SLC9C2: variants seen among roughly 807,000 people sequenced by gnomAD.
The protein encoded by SLC9C2 is solute carrier family 9 member C2 (putative), also known as sodium/hydrogen exchanger 11.
A neutral mutation model predicts 140.2 loss-of-function variants in SLC9C2; 75 were observed. That is an observed-to-expected ratio of 0.53 (90% CI 0.44 to 0.65). The LOEUF (loss-of-function observed/expected upper bound fraction) is 0.65, where lower values mean the gene tolerates loss of function less well. SLC9C2 is among the 30% of genes least tolerant of loss of function. The pLI, the probability that SLC9C2 is intolerant of heterozygous loss-of-function variation, is 0.00. For synonymous variants in SLC9C2, 375 were observed against 420.9 expected, an observed-to-expected ratio of 0.89 and a Z score of 1.34; for missense variants, 1,074 against 1,331.8, an observed-to-expected ratio of 0.81 and a Z score of 3.01.
chr1:173,521,499 G>T (rs1489793734), intron 21 of SLC9C2, 100 bp from the exon 22 acceptor site: 3 of 227,490 alleles, frequency 1.3e-5, no homozygotes, highest in South Asian at 1.8e-4. Context: ...ATATATATAT[G>T]ATTTTATTAT....
At chr1:173,570,407 T>C (rs1664767105) in intron 9 of SLC9C2, among the ~76,000 whole-genome samples, 1 of 152,082 alleles carries the variant, frequency 6.6e-6, no homozygotes, top group Non-Finnish European at 1.5e-5. Context: ...TCTGCTGTGG[T>C]TGAGCTGGTA....
intron 13 of SLC9C2, among the ~76,000 whole-genome samples, chr1:173,544,952 C>T (rs1028401840): frequency 1.6e-4 from 25 of 152,046 alleles, no homozygotes; most frequent in African/African-American, 5.8e-4. Context: ...CACATGTATA[C>T]GTATGTAACA....
At chr1:173,528,626 A>G (rs562285038) in intron 18 of SLC9C2, among the ~76,000 whole-genome samples, 18 of 152,336 alleles carry the variant, frequency 1.2e-4, no homozygotes, top group African/African-American at 3.6e-4. Flanking sequence ...CAATAAGTAA[A>G]GAGCCTCTCT....
chr1:173,524,933 G>A lies in SLC9C2; in HGVS notation c.2366-6C>T. ...ACCCTCATGCTCCATGAGTACTACA[G>A]CAAAGAAAATAAAATTCAGTAAGTG... On this transcript the variant is annotated splice_region_variant and splice_polypyrimidine_tract_variant and intron_variant, in intron 19 of 27. Coordinates refer to ENST00000367714, the MANE Select transcript of SLC9C2 (RefSeq NM_178527.4). 1 of 1,612,290 alleles carries A rather than the reference G, an allele frequency of 6.2e-7. No individual in the cohort carries two copies. The highest frequency in any genetic ancestry group is 1.1e-5 in the South Asian group (1 of 90,812).
intron 17 of SLC9C2, among the ~76,000 whole-genome samples, chr1:173,532,374 A>C (rs948404219): frequency 4.6e-5 from 7 of 152,228 alleles, no homozygotes; most frequent in Admixed American, 4.6e-4. Context: ...AAAGCCCTGA[A>C]GTTAAAAGCT....
intron 8 of SLC9C2, among the ~76,000 whole-genome samples, chr1:173,574,775 G>T (rs1665062420): frequency 6.6e-6 from 1 of 152,074 alleles, no homozygotes. Context: ...CTCCCAAAGT[G>T]CTGGGATTAC....
At chr1:173,570,913 T>C (rs1169744836) in intron 9 of SLC9C2, among the ~76,000 whole-genome samples, 1 of 151,390 alleles carries the variant, frequency 6.6e-6, no homozygotes, top group African/African-American at 2.4e-5. Context: ...TGGGGAGGAC[T>C]GGGGAGGGGT....
intron 14 of SLC9C2, 87 bp from the exon 15 acceptor site, chr1:173,536,036 A>G (rs1661931133): frequency 1.7e-6 from 2 of 1,171,400 alleles, no homozygotes; most frequent in African/African-American, 3.4e-5. Context: ...TGTACTAAGT[A>G]TAAATTTAAT....
chr1:173,596,411 T>C (rs1666458923), intron 4 of SLC9C2: 1 of 152,176 alleles, frequency 6.6e-6, no homozygotes, highest in South Asian at 2.1e-4. Context: ...GCAAGTTTCA[T>C]TGTCTTCATA....
intron 9 of SLC9C2, among the ~76,000 whole-genome samples, chr1:173,564,534 A>AT (rs1467027045): frequency 6.6e-6 from 1 of 151,526 alleles, no homozygotes; most frequent in African/African-American, 2.4e-5. Context: ...TCTTTTGCCC[A>AT]TTTTTTAATC....
intron 9 of SLC9C2, among the ~76,000 whole-genome samples, chr1:173,564,813 A>G (rs1571572289): frequency 6.7e-6 from 1 of 148,308 alleles, no homozygotes; most frequent in Middle Eastern, 3.6e-3. Context: ...AATTTTTTAT[A>G]TTTTTAGTAG....
Position 173,500,848 on chromosome 1 carries a change from A to G in SLC9C2, c.*246T>C, listed in dbSNP as rs1255235073. The G allele has an allele frequency of 3.5e-6, 1 of 287,826 alleles. No homozygotes were observed. Among genetic ancestry groups the G allele is most frequent in the Non-Finnish European group, 6.4e-6 (1 of 156,674 alleles). The allele number at this position is 287,826 out of a possible 1,614,324, so 17.8% of individuals were successfully genotyped here. On this transcript the variant is annotated 3_prime_UTR_variant, in exon 28 of 28. Transcript: ENST00000367714. ...TAGGACATATGTTTCAGTGTATTTT[A>G]TATTATCCTGAAGACTTTTTTAACA... is the stretch of plus-strand genomic sequence containing the variant.
intron 21 of SLC9C2, among the ~76,000 whole-genome samples, chr1:173,522,919 T>C (rs1660928366): frequency 6.6e-6 from 1 of 152,220 alleles, no homozygotes; most frequent in Non-Finnish European, 1.5e-5. Flanking sequence ...ACATCTCTCT[T>C]CAAATGTCAC....
At chr1:173,510,793 C>T (rs950093499) in intron 23 of SLC9C2, among the ~76,000 whole-genome samples, 4 of 152,146 alleles carry the variant, frequency 2.6e-5, no homozygotes, top group Admixed American at 6.5e-5. Context: ...TGGCAATAAA[C>T]ATACATGTGC....
chr1:173,563,887 T>TA (rs1202714154), intron 9 of SLC9C2, among the ~76,000 whole-genome samples: 1 of 152,194 alleles, frequency 6.6e-6, no homozygotes, highest in Non-Finnish European at 1.5e-5. Context: ...ACCATCCCTC[T>TA]ACTCTCTACC....
chr1:173,588,624 A>T (rs1032185325), intron 4 of SLC9C2, among the ~76,000 whole-genome samples: 8 of 151,882 alleles, frequency 5.3e-5, no homozygotes, highest in Non-Finnish European at 1.2e-4. Context: ...ACACAACTTG[A>T]TCATGTTTTT....
chr1:173,561,814 C>T (rs768190554), intron 9 of SLC9C2, among the ~76,000 whole-genome samples: 1 of 151,440 alleles, frequency 6.6e-6, no homozygotes, highest in African/African-American at 2.4e-5. Flanking sequence ...CCCACCCATT[C>T]CCCCAAGGAC....
chr1:173,545,690 G>A (rs1662796833), intron 13 of SLC9C2, among the ~76,000 whole-genome samples: 1 of 152,158 alleles, frequency 6.6e-6, no homozygotes, highest in Non-Finnish European at 1.5e-5. Flanking sequence ...TAGCTTTTTG[G>A]GTTCTTGGAA....
At chr1:173,587,383 A>C (rs1193829137) in intron 5 of SLC9C2, among the ~76,000 whole-genome samples, 1 of 152,170 alleles carries the variant, frequency 6.6e-6, no homozygotes, top group East Asian at 1.9e-4. Flanking sequence ...ACAGAATAAT[A>C]ATGCCAATTT....
Sources: gnomAD v4.1 joint callset for allele counts (sites outside exome capture counted in the v4.1 genomes callset) on GRCh38, gnomAD v4.1.1 for gene constraint, MANE v1.5 for transcripts, NCBI Gene and HGNC (gene_info 2026-07-23, HGNC 2026-07-21) for gene names.